Variants in CHN1 observed in about 807,000 individuals in gnomAD.
The protein encoded by CHN1 is N-chimaerin.
In CHN1, 37 loss-of-function variants were observed where a neutral mutation model predicts 59.5. That is an observed-to-expected ratio of 0.62 (90% CI 0.48 to 0.82). The LOEUF (loss-of-function observed/expected upper bound fraction) is 0.82. Ranked by LOEUF, CHN1 falls within the 40% of genes least tolerant of loss-of-function variation. The pLI is 0.00. For missense variants in CHN1, 469 were observed against 571.0 expected (o/e 0.82, Z 1.82); for synonymous variants, 206 against 200.4 (o/e 1.03, Z -0.24).
intron 3 of CHN1, among the ~76,000 whole-genome samples, chr2:174,937,897 T>C (rs1202384699): frequency 6.6e-6 from 1 of 152,200 alleles, no homozygotes; most frequent in African/African-American, 2.4e-5. Context: ...GCTGGCACTG[T>C]GTTTCTTCTT....
At chr2:174,853,503 A>G (rs1686804769) in intron 6 of CHN1, among the ~76,000 whole-genome samples, 1 of 152,164 alleles carries the variant, frequency 6.6e-6, no homozygotes, top group Non-Finnish European at 1.5e-5. Context: ...TGGTGGGAAT[A>G]TAAATTAGCT....
At chr2:174,978,269 C>T (rs963993759) in intron 1 of CHN1, among the ~76,000 whole-genome samples, 1 of 152,192 alleles carries the variant, frequency 6.6e-6, no homozygotes. Context: ...TTAAAAACAT[C>T]TTTCATGACA....
At chr2:174,816,684 C>T (rs954978192) in intron 8 of CHN1, among the ~76,000 whole-genome samples, 3 of 152,092 alleles carry the variant, frequency 2.0e-5, no homozygotes, top group Admixed American at 1.3e-4. Context: ...AGTCTGCCTT[C>T]CAACTTTTCA....
intron 1 of CHN1, among the ~76,000 whole-genome samples, chr2:174,965,106 T>C (rs1664990241): frequency 6.6e-6 from 1 of 152,122 alleles, no homozygotes; most frequent in African/African-American, 2.4e-5. Flanking sequence ...TACTCAAAAG[T>C]ATTCATTTAC....
chr2:174,823,487 C>T (rs958045008), intron 8 of CHN1, among the ~76,000 whole-genome samples: 1 of 151,870 alleles, frequency 6.6e-6, no homozygotes, highest in Non-Finnish European at 1.5e-5. Flanking sequence ...CATGGTGAAA[C>T]CCCGTCTCTA....
intron 6 of CHN1, chr2:174,847,837 CATT>C (rs1686588082): frequency 2.3e-6 from 1 of 442,004 alleles, no homozygotes; most frequent in South Asian, 1.7e-5. Flanking sequence ...ATGAGTCATG[CATT>C]ATTGCAAAAT....
intron 6 of CHN1, among the ~76,000 whole-genome samples, chr2:174,869,938 CCT>C (rs965222964): frequency 7.2e-5 from 11 of 152,046 alleles, no homozygotes; most frequent in South Asian, 2.1e-4. Flanking sequence ...CATAAAAGCC[CCT>C]GTTTTTGGAG....
chr2:175,004,819 G>A, intron 1 of CHN1, 75 bp downstream of exon 1: 1 of 1,008,788 alleles, frequency 9.9e-7, no homozygotes, highest in Non-Finnish European at 1.2e-6. Flanking sequence ...CGGGCGCCCA[G>A]GCCCCCCAGG....
chr2:174,834,023 C>T (rs1270414407), intron 7 of CHN1, among the ~76,000 whole-genome samples: 5 of 152,164 alleles, frequency 3.3e-5, no homozygotes, highest in Non-Finnish European at 2.9e-5. Flanking sequence ...TCAGGCTAGT[C>T]TCAAACCCCA....
intron 6 of CHN1, among the ~76,000 whole-genome samples, chr2:174,857,550 G>A (rs1358902186): frequency 6.6e-6 from 1 of 151,972 alleles, no homozygotes; most frequent in Non-Finnish European, 1.5e-5. Context: ...AATTATATAA[G>A]AATAAAATGT....
At chr2:174,842,095 G>A (rs1303066138) in intron 7 of CHN1, among the ~76,000 whole-genome samples, 6 of 152,294 alleles carry the variant, frequency 3.9e-5, no homozygotes, top group African/African-American at 1.4e-4. Flanking sequence ...GTCATGAGAA[G>A]AGGTTTTCAA....
At chr2:174,955,891 T>C (rs1283591614) in intron 1 of CHN1, among the ~76,000 whole-genome samples, 2 of 152,142 alleles carry the variant, frequency 1.3e-5, no homozygotes, top group African/African-American at 4.8e-5. Flanking sequence ...TGTGGACTAC[T>C]AGAAGGTGAG....
At chr2:174,860,689 A>C (rs1219150475) in intron 6 of CHN1, among the ~76,000 whole-genome samples, 2 of 152,220 alleles carry the variant, frequency 1.3e-5, no homozygotes, top group Non-Finnish European at 2.9e-5. Flanking sequence ...TAAGTGCTGC[A>C]TGAATAATGT....
intron 1 of CHN1, among the ~76,000 whole-genome samples, chr2:174,980,036 G>A (rs1048780084): frequency 3.3e-5 from 5 of 152,148 alleles, no homozygotes; most frequent in African/African-American, 9.7e-5. Flanking sequence ...AGTTGTTAAA[G>A]TCCTAAGAGT....
rs533088501 is a variant in CHN1 at position 174,927,777 on chromosome 2, T to C, written c.115-9212A>G. 8.5e-5 allele frequency among the ~76,000 whole-genome samples: 13 copies of C among 152,336 alleles called. No individual in the cohort carries two copies. The East Asian group carries it at 2.3e-3, about 27-fold the overall frequency. The stretch of plus-strand genomic sequence containing the variant: ...GAAGTCAAAGGAATCATTATCTCCT[T>C]TGTTCACCCTGTGAAAAATGATACA... On this transcript the variant is annotated intron_variant, in intron 3 of 12. Transcript: ENST00000409900.
In CHN1 at chr2:174,877,822, G is replaced by A. The variant is rs756562866; in HGVS notation, c.549+18C>T. The A allele has an allele frequency of 1.9e-6, 3 of 1,596,994 alleles. No individual in the cohort carries two copies. Among genetic ancestry groups the A allele is most frequent in the Admixed American group, 1.7e-5 (1 of 58,434 alleles). On this transcript the variant is annotated intron_variant, in intron 6 of 12. Transcript: ENST00000409900. ...CCCCAAACAGAAAAAGATAAAGTGT[G>A]GTTTCATAGTAGCTTACCCTTTTCT...
intron 3 of CHN1, 117 bp from the exon 4 acceptor site, chr2:174,918,682 C>T: frequency 2.5e-6 from 2 of 814,338 alleles, no homozygotes; most frequent in Non-Finnish European, 3.7e-6. Context: ...ATTCAAATAA[C>T]AGAGTATGGA....
intron 2 of CHN1, among the ~76,000 whole-genome samples, chr2:174,951,785 C>T (rs571134651): frequency 1.3e-5 from 2 of 152,236 alleles, no homozygotes; most frequent in Non-Finnish European, 1.5e-5. Context: ...TCAACATAGC[C>T]TCCTGAATTA....
chr2:174,917,641 C>A lies in CHN1; in HGVS notation c.146+893G>T, dbSNP rs567809495. On this transcript the variant is annotated intron_variant, in intron 4 of 12. Coordinates refer to ENST00000409900, the MANE Select transcript of CHN1 (RefSeq NM_001822.7). ...TATGGTTTAAAAGCAATCTATTATA[C>A]CAAAAGCAGAATGACTATATAAATT... 1.3e-3 allele frequency among the ~76,000 whole-genome samples: 204 copies of A among 152,060 alleles called. 2 individuals carry two copies. The highest frequency in any genetic ancestry group is 3.4e-3 in the Middle Eastern group (1 of 294).
Sources: gnomAD v4.1 joint callset for allele counts (sites outside exome capture counted in the v4.1 genomes callset) on GRCh38, gnomAD v4.1.1 for gene constraint, MANE v1.5 for transcripts, NCBI Gene and HGNC (gene_info 2026-07-23, HGNC 2026-07-21) for gene names.